ANKS1B: variants seen among roughly 807,000 people sequenced by gnomAD.
The protein encoded by ANKS1B is ankyrin repeat and sterile alpha motif domain containing 1B.
In ANKS1B, 36 loss-of-function variants were observed where a neutral mutation model predicts 148.3. The observed-to-expected ratio is 0.24, with a 90% CI of 0.19 to 0.32. The LOEUF is 0.32. Among genes scored for constraint, ANKS1B ranks in the 10% least tolerant of loss-of-function variants. The probability of loss-of-function intolerance (pLI) is 1.00; values close to 1 mark genes in which losing one functional copy is unlikely to be tolerated. For synonymous variants in ANKS1B, 542 were observed against 560.8 expected (o/e 0.97, Z 0.47); for missense variants, 1,157 against 1,542.6 (o/e 0.75, Z 4.19).
chr12:99,321,670 C>T lies in ANKS1B; in HGVS notation c.1757-74806G>A, dbSNP rs188305333. Reference sequence around the variant, plus strand: ...GCACTTCCTGGGTAAGGCGATGCCCCGCCCTGCTCTGTGGGCTGCACCCAC... The same window carrying T: ...GCACTTCCTGGGTAAGGCGATGCCCTGCCCTGCTCTGTGGGCTGCACCCAC... On this transcript the variant is annotated intron_variant, in intron 12 of 26. Coordinates refer to ENST00000683438, the MANE Select transcript of ANKS1B (RefSeq NM_001352186.2). Among the ~76,000 whole-genome samples, 548 of 152,252 alleles carry T rather than the reference C, an allele frequency of 3.6e-3. 3 individuals are homozygous for T. Among genetic ancestry groups the T allele is most frequent in the Middle Eastern group, 6.8e-3 (2 of 294 alleles).
At chr12:98,884,908 G>C (rs528888597) in intron 17 of ANKS1B, among the ~76,000 whole-genome samples, 1 of 151,432 alleles carries the variant, frequency 6.6e-6, no homozygotes, top group Non-Finnish European at 1.5e-5. Flanking sequence ...TAGACCCAAT[G>C]ATCTGCTTGA....
At chr12:98,752,016 T>A (rs192089199) in intron 25 of ANKS1B, among the ~76,000 whole-genome samples, 196 of 152,338 alleles carry the variant, frequency 1.3e-3, no homozygotes, top group East Asian at 1.7e-3. Context: ...AAATTGTGTA[T>A]TCAGTGAAAG....
chr12:99,549,302 C>G (rs2097197941), intron 9 of ANKS1B, among the ~76,000 whole-genome samples: 1 of 152,134 alleles, frequency 6.6e-6, no homozygotes, highest in African/African-American at 2.4e-5. Context: ...ATGGGTAAAT[C>G]TTTAATCCAA....
intron 15 of ANKS1B, among the ~76,000 whole-genome samples, chr12:99,144,811 A>G (rs1231746086): frequency 6.6e-6 from 1 of 152,026 alleles, no homozygotes; most frequent in Non-Finnish European, 1.5e-5. Flanking sequence ...GAGATTTGAA[A>G]CACAAGGAGA....
rs543795352 is a variant in ANKS1B at position 98,994,343 on chromosome 12, C to T, written c.2778+58814G>A. 7.2e-5 allele frequency among the ~76,000 whole-genome samples: 11 copies of T among 152,230 alleles called. No homozygotes were observed. The South Asian group carries it at 2.3e-3, about 32-fold the overall frequency. On this transcript the variant is annotated intron_variant, in intron 17 of 26. Coordinates refer to ENST00000683438, the MANE Select transcript of ANKS1B (RefSeq NM_001352186.2). Reference sequence around the variant, plus strand: ...CAAGATTTAGTGGTTAGGCCAGGTGCGGTGGCTCATGCCTGTAATTCCAGC... The same window carrying T: ...CAAGATTTAGTGGTTAGGCCAGGTGTGGTGGCTCATGCCTGTAATTCCAGC...
intron 14 of ANKS1B, among the ~76,000 whole-genome samples, chr12:99,184,359 T>C (rs975120738): frequency 2.6e-5 from 4 of 152,214 alleles, no homozygotes; most frequent in Non-Finnish European, 5.9e-5. Flanking sequence ...GATTGGAATT[T>C]GGCCTAGAGG....
chr12:99,325,036 T>C (rs1008936853), intron 12 of ANKS1B, among the ~76,000 whole-genome samples: 1 of 152,166 alleles, frequency 6.6e-6, no homozygotes, highest in East Asian at 1.9e-4. Context: ...ATGTACAGTA[T>C]GTACCACATA....
chr12:98,814,046 G>T (rs2099119189), intron 19 of ANKS1B, among the ~76,000 whole-genome samples: 1 of 110,492 alleles, frequency 9.1e-6, no homozygotes. Context: ...ACATCTGGCT[G>T]ATTTTTGTAT....
At chr12:99,922,169 T>C (rs71462295) in intron 1 of ANKS1B, among the ~76,000 whole-genome samples, 1 of 152,090 alleles carries the variant, frequency 6.6e-6, no homozygotes, top group Non-Finnish European at 1.5e-5. Flanking sequence ...GCCTGACACA[T>C]AGCAAAATCT....
chr12:98,831,914 TA>T (rs1566966396), intron 18 of ANKS1B, 114 bp downstream of exon 18: 1 of 965,436 alleles, frequency 1.0e-6, no homozygotes, highest in Non-Finnish European at 1.6e-6. Context: ...CACACCTGGC[TA>T]AATTTTTTCT....
chr12:99,040,801 GA>G (rs1436143742), intron 17 of ANKS1B, among the ~76,000 whole-genome samples: 2 of 152,336 alleles, frequency 1.3e-5, no homozygotes, highest in Non-Finnish European at 2.9e-5. Context: ...CGGTGTGCTA[GA>G]AACTGTTCTA....
rs762536492 is a variant in ANKS1B at position 98,751,675 on chromosome 12, G to T, written c.3580-153C>A. ...TTCGGTGGAAATCTACAAAGAACAG[G>T]ACACTCCGGGTCCAACTTAGGGTTT... On this transcript the variant is annotated intron_variant, in intron 25 of 26. Transcript: ENST00000683438. This position sits in a 1 kb window ranked among gnomAD's most constrained non-coding sequence, Gnocchi z 4.3. Among the ~76,000 whole-genome samples the T allele has an allele frequency of 7.9e-5, 12 of 152,180 alleles. No individual in the cohort carries two copies. The highest frequency in any genetic ancestry group is 1.5e-4 in the Non-Finnish European group (10 of 68,028).
intron 9 of ANKS1B, among the ~76,000 whole-genome samples, chr12:99,560,796 G>A (rs2097325742): frequency 6.7e-6 from 1 of 150,248 alleles, no homozygotes; most frequent in East Asian, 2.0e-4. Flanking sequence ...TCTGGGTGGT[G>A]GTTGCTGAAG....
At chr12:99,693,812 G>T (rs1248405631) in intron 8 of ANKS1B, among the ~76,000 whole-genome samples, 1 of 136,402 alleles carries the variant, frequency 7.3e-6, no homozygotes, top group Admixed American at 8.0e-5. Context: ...ATGGAATCTC[G>T]CTCTGTCACC....
intron 4 of ANKS1B, among the ~76,000 whole-genome samples, chr12:99,791,675 C>T (rs114349037): frequency 0.026 from 3,980 of 151,662 alleles, 180 homozygotes; most frequent in African/African-American, 0.091. Context: ...ATGAAGAAAT[C>T]AGAAAGAAAA....
chr12:99,020,299 T>A lies in ANKS1B; in HGVS notation c.2778+32858A>T, dbSNP rs1259195046. On this transcript the variant is annotated intron_variant, in intron 17 of 26. Coordinates refer to ENST00000683438, the MANE Select transcript of ANKS1B (RefSeq NM_001352186.2). ...CATTCTACTTTCTGTCTCTGTAGATTGACTACTCTAGGTACCTTGTACAAA... is the reference window on the plus strand; with the variant it reads ...CATTCTACTTTCTGTCTCTGTAGATAGACTACTCTAGGTACCTTGTACAAA... Among the ~76,000 whole-genome samples the A allele has an allele frequency of 3.9e-5, 6 of 152,306 alleles. No individual in the cohort carries two copies. In the East Asian group the frequency reaches 9.6e-4, roughly 24 times the overall value.
chr12:99,685,496 A>T (rs1235421780), intron 8 of ANKS1B, among the ~76,000 whole-genome samples: 2 of 152,164 alleles, frequency 1.3e-5, no homozygotes, highest in African/African-American at 4.8e-5. Context: ...AACTGCTAGT[A>T]CAGCTACTAT....
chr12:99,523,471 A>G (rs7967756), intron 9 of ANKS1B, among the ~76,000 whole-genome samples: 16,393 of 151,948 alleles, frequency 0.11, 2,910 homozygotes, highest in African/African-American at 0.37. Context: ...GCTTTGCAGT[A>G]TAAAACTGGC....
chr12:98,778,492 T>G (rs1593392003), intron 24 of ANKS1B, among the ~76,000 whole-genome samples: 1 of 152,212 alleles, frequency 6.6e-6, no homozygotes, highest in Non-Finnish European at 1.5e-5. Context: ...AGTGGCCCAC[T>G]GACACAGCAC....
Sources: allele counts gnomAD v4.1 joint callset (sites outside exome capture counted in the v4.1 genomes callset), GRCh38; gene constraint gnomAD v4.1.1; non-coding constraint Gnocchi (gnomAD v3.1); transcripts MANE v1.5; gene names NCBI Gene and HGNC (gene_info 2026-07-23, HGNC 2026-07-21).